FOXP2: variants seen among roughly 807,000 people sequenced by gnomAD.
The protein encoded by FOXP2 is forkhead box protein P2.
FOXP2 carries 12 observed loss-of-function variants against 115.8 expected under a neutral mutation model. The ratio of observed to expected loss-of-function variants is 0.10; its 90% CI spans 0.07 to 0.17. FOXP2 has a LOEUF of 0.17. FOXP2 is among the 10% of genes least tolerant of loss of function. FOXP2 has a pLI of 1.00. For synonymous variants in FOXP2, 328 were observed against 297.7 expected (o/e 1.10, Z -1.05); for missense variants, 629 against 843.5 (o/e 0.75, Z 3.15).
intron 2 of FOXP2, among the ~76,000 whole-genome samples, chr7:114,290,406 T>A (rs934655010): frequency 6.6e-6 from 1 of 152,024 alleles, no homozygotes; most frequent in African/African-American, 2.4e-5. Flanking sequence ...TTTTCAGAGT[T>A]TCCACTGCAA....
Position 114,405,190 on chromosome 7 carries a change from G to T in FOXP2, c.-10-21312G>T, listed in dbSNP as rs371166472. On this transcript the variant is annotated intron_variant, in intron 2 of 17. Coordinates refer to the FOXP2 transcript ENST00000634411. ...TTTCCCTTATACATTTATGTGTGTA[G>T]GTTTCTAAATAATTTACTTTTTCTG... Among the ~76,000 whole-genome samples the T allele has an allele frequency of 3.8e-4, 57 of 151,818 alleles. 1 individual carries two copies. Among genetic ancestry groups the T allele is most frequent in the African/African-American group, 1.3e-3 (53 of 41,500 alleles).
intron 2 of FOXP2, among the ~76,000 whole-genome samples, chr7:114,433,104 T>A (rs947357125): frequency 6.6e-6 from 1 of 152,012 alleles, no homozygotes; most frequent in Non-Finnish European, 1.5e-5. Flanking sequence ...TTTGTGGTGT[T>A]GTTTAGAAGC....
chr7:114,206,804 T>G (rs1404744184), intron 1 of FOXP2, among the ~76,000 whole-genome samples: 1 of 152,236 alleles, frequency 6.6e-6, no homozygotes, highest in African/African-American at 2.4e-5. Flanking sequence ...TACAGCTTTA[T>G]TAAAACATAA....
intron 2 of FOXP2, among the ~76,000 whole-genome samples, chr7:114,487,601 T>A (rs1796854050): frequency 6.6e-6 from 1 of 152,130 alleles, no homozygotes. Flanking sequence ...TTTTATGCTC[T>A]GCTTCCTCTT....
chr7:114,463,074 G>A, intron 2 of FOXP2: 1 of 432,514 alleles, frequency 2.3e-6, no homozygotes. Context: ...TGTTTCCCAG[G>A]CTGGAGTGCA....
chr7:114,129,788 T>C (rs1387656831), intron 1 of FOXP2, among the ~76,000 whole-genome samples: 1 of 152,192 alleles, frequency 6.6e-6, no homozygotes, highest in Non-Finnish European at 1.5e-5. Flanking sequence ...TTAAGTAAAA[T>C]TTAAGCCTGC....
intron 1 of FOXP2, among the ~76,000 whole-genome samples, chr7:114,264,137 ATTTGCCT>A (rs1795834905): frequency 6.6e-6 from 1 of 152,050 alleles, no homozygotes; most frequent in Non-Finnish European, 1.5e-5. Context: ...TTAATATGTT[ATTTGCCT>A]TACTTCTCTT....
At chr7:114,273,044 A>AT (rs1225309027) in intron 1 of FOXP2, among the ~76,000 whole-genome samples, 4 of 151,736 alleles carry the variant, frequency 2.6e-5, no homozygotes, top group African/African-American at 9.7e-5. Flanking sequence ...CATGGATTTC[A>AT]TATCTTTTTT....
chr7:114,388,790 TA>T (rs1792518967), intron 2 of FOXP2, among the ~76,000 whole-genome samples: 1 of 152,210 alleles, frequency 6.6e-6, no homozygotes, highest in Non-Finnish European at 1.5e-5. Context: ...GAAAAATAGT[TA>T]AAATGCATAT....
At chr7:114,175,050 C>A (rs1458659954) in intron 1 of FOXP2, among the ~76,000 whole-genome samples, 1 of 151,946 alleles carries the variant, frequency 6.6e-6, no homozygotes, top group African/African-American at 2.4e-5. Context: ...AACAAAGAAG[C>A]AGAATGCTTA....
intron 1 of FOXP2, among the ~76,000 whole-genome samples, chr7:114,256,148 G>T (rs1316247576): frequency 3.3e-5 from 5 of 152,108 alleles, no homozygotes; most frequent in African/African-American, 1.2e-4. Flanking sequence ...TGTTACCCAG[G>T]CTGGAGTGCA....
intron 3 of FOXP2, among the ~76,000 whole-genome samples, chr7:114,609,467 A>G (rs71573104): frequency 0.067 from 10,263 of 152,270 alleles, 455 homozygotes; most frequent in Non-Finnish European, 0.1. Flanking sequence ...ACTATATTGT[A>G]AAGCATTCGA....
chr7:114,591,053 AATC>A (rs1802414448), intron 3 of FOXP2, among the ~76,000 whole-genome samples: 1 of 152,118 alleles, frequency 6.6e-6, no homozygotes, highest in Non-Finnish European at 1.5e-5. Context: ...CCAGTCCAAT[AATC>A]ATTTTCTTTC....
At chr7:114,521,545 A>AG (rs1798626519) in intron 2 of FOXP2, among the ~76,000 whole-genome samples, 1 of 151,372 alleles carries the variant, frequency 6.6e-6, no homozygotes, top group Non-Finnish European at 1.5e-5. Flanking sequence ...AAAAAAAAAA[A>AG]AAAAAAAAGG....
intron 3 of FOXP2, among the ~76,000 whole-genome samples, chr7:114,539,564 A>T (rs977299099): frequency 6.6e-6 from 1 of 152,076 alleles, no homozygotes; most frequent in African/African-American, 2.4e-5. Context: ...GATCATAAAA[A>T]AAAAGAATTT....
At chr7:114,327,244 C>G (rs1797579216) in intron 2 of FOXP2, among the ~76,000 whole-genome samples, 1 of 152,118 alleles carries the variant, frequency 6.6e-6, no homozygotes, top group Admixed American at 6.5e-5. Context: ...AGGTACTTAG[C>G]AGTAGGTGGA....
intron 3 of FOXP2, among the ~76,000 whole-genome samples, chr7:114,581,937 G>T (rs1159390620): frequency 1.3e-5 from 2 of 152,160 alleles, no homozygotes; most frequent in African/African-American, 4.8e-5. Context: ...ATAGAGCAGT[G>T]ATTTGAATGG....
At chr7:114,382,595 C>T (rs1033978518) in intron 2 of FOXP2, among the ~76,000 whole-genome samples, 1 of 148,460 alleles carries the variant, frequency 6.7e-6, no homozygotes, top group South Asian at 2.2e-4. Context: ...AAGCAGTGGC[C>T]TTTTTTTTTT....
chr7:114,503,913 AT>A (rs1167533636), intron 2 of FOXP2, among the ~76,000 whole-genome samples: 1 of 151,452 alleles, frequency 6.6e-6, no homozygotes, highest in Admixed American at 6.6e-5. Context: ...ACTTTTATTG[AT>A]TTGTAGATGA....
Sources: allele counts gnomAD v4.1 joint callset (sites outside exome capture counted in the v4.1 genomes callset), GRCh38; gene constraint gnomAD v4.1.1; transcripts MANE v1.5; gene names NCBI Gene and HGNC (gene_info 2026-07-23, HGNC 2026-07-21).